FMNL2: variants seen among roughly 807,000 people sequenced by gnomAD.
The protein encoded by FMNL2 is formin-like protein 2.
A neutral mutation model predicts 130.2 loss-of-function variants in FMNL2; 51 were observed. That is an observed-to-expected ratio of 0.39 (90% CI 0.31 to 0.49). FMNL2 has a LOEUF of 0.49. FMNL2 is among the 20% of genes least tolerant of loss of function. The pLI is 0.85. For missense variants in FMNL2, 977 were observed against 1,316.2 expected, an observed-to-expected ratio of 0.74 and a Z score of 3.99; for synonymous variants, 465 against 467.1, an observed-to-expected ratio of 1.00 and a Z score of 0.06.
intron 1 of FMNL2, among the ~76,000 whole-genome samples, chr2:152,382,295 T>C (rs1684518919): frequency 6.6e-6 from 1 of 152,228 alleles, no homozygotes; most frequent in Non-Finnish European, 1.5e-5. Flanking sequence ...GCTTCTGTGG[T>C]AGATTTCTCT....
intron 1 of FMNL2, among the ~76,000 whole-genome samples, chr2:152,407,664 T>C (rs978901114): frequency 6.6e-6 from 1 of 152,254 alleles, no homozygotes; most frequent in African/African-American, 2.4e-5. Flanking sequence ...TGGCTGCTGC[T>C]GTACCAAGCC....
chr2:152,500,741 G>A lies in FMNL2; in HGVS notation c.118-21202G>A, dbSNP rs567917936. Among the ~76,000 whole-genome samples, 83 of 152,236 alleles carry A rather than the reference G, an allele frequency of 5.5e-4. 1 individual carries two copies. Among genetic ancestry groups the A allele is most frequent in the African/African-American group, 1.6e-3 (67 of 41,554 alleles). On this transcript the variant is annotated intron_variant, in intron 1 of 25. Coordinates refer to ENST00000288670, the MANE Select transcript of FMNL2 (RefSeq NM_052905.4). ...CGGGTGCCTGTAATTCTAGCTACTC[G>A]GGAGACTGAGGCAGGGGAATCACTT...
intron 1 of FMNL2, among the ~76,000 whole-genome samples, chr2:152,364,175 G>C (rs7573890): frequency 0.089 from 13,325 of 149,506 alleles, 662 homozygotes; most frequent in African/African-American, 0.14. Context: ...AGAATTGAGT[G>C]TCTTGGAAAT....
intron 1 of FMNL2, among the ~76,000 whole-genome samples, chr2:152,465,665 G>C (rs1388961331): frequency 1.3e-5 from 2 of 152,210 alleles, no homozygotes; most frequent in East Asian, 3.8e-4. Flanking sequence ...TAAGCAGTTG[G>C]CATAAGTAGG....
At chr2:152,477,933 A>G (rs16831176) in intron 1 of FMNL2, among the ~76,000 whole-genome samples, 1,561 of 152,214 alleles carry the variant, frequency 0.01, 24 homozygotes, top group African/African-American at 0.036. Flanking sequence ...TGTAGATTTT[A>G]ATGAGTCAGC....
Position 152,614,956 on chromosome 2 carries a change from G to A in FMNL2, c.1168G>A (p.Ala390Thr), listed in dbSNP as rs1279618786. The change falls in exon 12 of 26, where the codon GCT becomes ACT. Residue 390 changes from alanine (A) to threonine (T), a missense_variant. Physicochemically the swap from Ala to Thr is moderately conservative, Grantham distance 58 (BLOSUM62 0). Transcript: ENST00000288670. Reference protein sequence around the residue: ...ALLEDAETKNAALERVEELEE... With the variant: ...ALLEDAETKNTALERVEELEE... ...ACTGGAAGATGCTGAAACTAAGAAT[G>A]CTGCCTTGGAGAGGGTGGAAGAACT... is the stretch of plus-strand genomic sequence containing the variant. The A allele has an allele frequency of 1.2e-6, 2 of 1,613,514 alleles. No individual in the cohort carries two copies. Among genetic ancestry groups the A allele is most frequent in the Non-Finnish European group, 8.5e-7 (1 of 1,179,804 alleles).
chr2:152,610,222 TC>T (rs1169837861), intron 10 of FMNL2, among the ~76,000 whole-genome samples: 1 of 152,224 alleles, frequency 6.6e-6, no homozygotes, highest in Non-Finnish European at 1.5e-5. Context: ...TAAAAAATGT[TC>T]TTTGTAATAA....
At position 152,504,817 on chromosome 2, in the gene FMNL2, G is replaced by T. The variant is rs536447979; in HGVS notation, c.118-17126G>T. 3.9e-5 allele frequency among the ~76,000 whole-genome samples: 6 copies of T among 152,182 alleles called. No homozygotes were observed. The East Asian group carries it at 1.2e-3, about 29-fold the overall frequency. ...TCCTGAATCATTACTGTCAGGCGGG[G>T]GCTTAGGAATGTGCATATCTGTGTA... On this transcript the variant is annotated intron_variant, in intron 1 of 25. Transcript: ENST00000288670.
chr2:152,556,224 T>C (rs1695195597), intron 4 of FMNL2, among the ~76,000 whole-genome samples: 1 of 152,176 alleles, frequency 6.6e-6, no homozygotes, highest in Non-Finnish European at 1.5e-5. Context: ...CCTGATACCA[T>C]TTGATAAAGT....
chr2:152,488,433 C>A (rs945076853), intron 1 of FMNL2, among the ~76,000 whole-genome samples: 8 of 152,198 alleles, frequency 5.3e-5, no homozygotes, highest in African/African-American at 1.9e-4. Flanking sequence ...CTTGCACAAT[C>A]AAAAGTTCTA....
At chr2:152,570,142 G>A (rs1463425121) in intron 6 of FMNL2, among the ~76,000 whole-genome samples, 2 of 152,082 alleles carry the variant, frequency 1.3e-5, no homozygotes, top group Non-Finnish European at 2.9e-5. Context: ...GGTATCTGCT[G>A]GGATATGCAT....
chr2:152,514,994 T>C lies in FMNL2; in HGVS notation c.118-6949T>C, dbSNP rs529551881. On this transcript the variant is annotated intron_variant, in intron 1 of 25. Transcript: ENST00000288670. ...ATCACTACCATGGTGATCATTTCCA[T>C]GTCACAAGTGAGGAAGCTGAGATTT... 1.2e-3 allele frequency among the ~76,000 whole-genome samples: 181 copies of C among 152,290 alleles called. 2 individuals carry two copies. Among genetic ancestry groups the C allele is most frequent in the African/African-American group, 4.2e-3 (176 of 41,568 alleles).
chr2:152,569,012 G>A (rs1453891044), intron 6 of FMNL2, among the ~76,000 whole-genome samples: 1 of 151,500 alleles, frequency 6.6e-6, no homozygotes, highest in Non-Finnish European at 1.5e-5. Context: ...TAGTACTTAC[G>A]TTTACCACCA....
At chr2:152,377,431 G>A (rs1684234568) in intron 1 of FMNL2, among the ~76,000 whole-genome samples, 1 of 152,174 alleles carries the variant, frequency 6.6e-6, no homozygotes, top group African/African-American at 2.4e-5. Flanking sequence ...GAAAGTTAAT[G>A]CATTTATTTT....
At chr2:152,367,901 C>T (rs1039668116) in intron 1 of FMNL2, among the ~76,000 whole-genome samples, 2 of 152,212 alleles carry the variant, frequency 1.3e-5, no homozygotes, top group African/African-American at 2.4e-5. Flanking sequence ...CGCCACACCA[C>T]TCTGCGGTTT....
Position 152,571,823 on chromosome 2 carries a change from T to C in FMNL2, c.597-3313T>C, listed in dbSNP as rs58189989. Among the ~76,000 whole-genome samples the C allele has an allele frequency of 2.2e-3, 331 of 152,346 alleles. 2 individuals carry two copies. Among genetic ancestry groups the C allele is most frequent in the African/African-American group, 7.6e-3 (318 of 41,582 alleles). ...TGATTATACAACAGCATCATGTATA[T>C]ACATTATTTTATAGTTATAACTAGT... On this transcript the variant is annotated intron_variant, in intron 6 of 25. Coordinates refer to ENST00000288670, the MANE Select transcript of FMNL2 (RefSeq NM_052905.4).
rs200404366 is a variant in FMNL2, at chr2:152,475,489, T to TTTTTTG, written c.118-46450_118-46449insTGTTTT. On this transcript the variant is annotated intron_variant, in intron 1 of 25. Coordinates refer to ENST00000288670, the MANE Select transcript of FMNL2 (RefSeq NM_052905.4). ...ATAGTTTTTTTTGGTTTCATTTTGT[T>TTTTTTG]TTTTGTTTTGTTTTGTTTTGTTTGA... 1.2e-3 allele frequency among the ~76,000 whole-genome samples: 181 copies of TTTTTTG among 151,928 alleles called. 1 individual carries two copies. Among genetic ancestry groups the TTTTTTG allele is most frequent in the African/African-American group, 4.3e-3 (177 of 41,268 alleles).
At position 152,375,875 on chromosome 2, in the gene FMNL2, CTCTA is replaced by C. The variant is rs1351314078; in HGVS notation, c.117+40157_117+40160del. 2.3e-3 allele frequency among the ~76,000 whole-genome samples: 264 copies of C among 112,820 alleles called. 1 individual carries two copies. The highest frequency in any genetic ancestry group is 3.3e-3 in the African/African-American group (100 of 30,210). 74.0% of individuals were successfully genotyped at this position (112,820 alleles called of 152,430 possible). On this transcript the variant is annotated intron_variant, in intron 1 of 25. Transcript: ENST00000288670. ...GCTCTCTCTCTCTCTCTCTCTCTCT[CTCTA>C]TATATATATATATATATAATTATTA...
intron 9 of FMNL2, among the ~76,000 whole-genome samples, chr2:152,584,498 A>C (rs1425453708): frequency 6.6e-6 from 1 of 152,208 alleles, no homozygotes; most frequent in African/African-American, 2.4e-5. Context: ...TATTTTTTGC[A>C]AATAAAGTAA....
Sources: allele counts gnomAD v4.1 joint callset (sites outside exome capture counted in the v4.1 genomes callset), GRCh38; gene constraint gnomAD v4.1.1; transcripts MANE v1.5; gene names NCBI Gene and HGNC (gene_info 2026-07-23, HGNC 2026-07-21).